PON3: variants seen among roughly 807,000 people sequenced by gnomAD.
PON3 encodes serum paraoxonase/lactonase 3.
Under a neutral mutation model 36.3 loss-of-function variants are expected in PON3, and 37 were observed. The ratio of observed to expected loss-of-function variants is 1.02; its 90% CI spans 0.78 to 1.34. PON3 has a LOEUF of 1.34. Ranked by LOEUF, PON3 falls within the 40% of genes most tolerant of loss-of-function variation. The pLI, the probability that PON3 is intolerant of heterozygous loss-of-function variation, is 0.00. For synonymous variants in PON3, 155 were observed against 154.8 expected (o/e 1.00, Z -0.01); for missense variants, 415 against 426.5 (o/e 0.97, Z 0.24).
At chr7:95,373,731 G>A (rs1194064750) in intron 3 of PON3, among the ~76,000 whole-genome samples, 1 of 152,180 alleles carries the variant, frequency 6.6e-6, no homozygotes, top group Non-Finnish European at 1.5e-5. Flanking sequence ...ATTTAGTACT[G>A]TTTATTGATT....
At chr7:95,370,698 G>A (rs991933408) in intron 4 of PON3, among the ~76,000 whole-genome samples, 1 of 152,108 alleles carries the variant, frequency 6.6e-6, no homozygotes, top group Non-Finnish European at 1.5e-5. Flanking sequence ...AAAATTAAAT[G>A]TTTGAAATTA....
intron 4 of PON3, among the ~76,000 whole-genome samples, chr7:95,368,833 GA>G (rs201733062): frequency 0.029 from 4,057 of 141,474 alleles, 106 homozygotes; most frequent in African/African-American, 0.07. Flanking sequence ...AAAAAAGAAA[GA>G]AAAAAAGCCC....
intron 3 of PON3, among the ~76,000 whole-genome samples, chr7:95,374,612 TG>T (rs1808875548): frequency 6.6e-6 from 1 of 152,220 alleles, no homozygotes; most frequent in Non-Finnish European, 1.5e-5. Flanking sequence ...TATTGCCTAA[TG>T]TGAACTGCTC....
chr7:95,395,104 C>T (rs1156861652), intron 1 of PON3, among the ~76,000 whole-genome samples: 1 of 152,166 alleles, frequency 6.6e-6, no homozygotes, highest in Non-Finnish European at 1.5e-5. Context: ...CAGTCTTGCC[C>T]TTTGAACTTT....
At chr7:95,396,188 C>G in intron 1 of PON3, 89 bp downstream of exon 1, 1 of 1,426,288 alleles carries the variant, frequency 7.0e-7, no homozygotes, top group Non-Finnish European at 9.9e-7. Flanking sequence ...CTTTCCTACC[C>G]GCTAGGAAGG....
chr7:95,374,095 C>T (rs963549653), intron 3 of PON3, among the ~76,000 whole-genome samples: 1 of 152,144 alleles, frequency 6.6e-6, no homozygotes, highest in Admixed American at 6.5e-5. Flanking sequence ...ATTCCCCACT[C>T]CCCCTCCATG....
At chr7:95,395,634 G>A (rs1196806684) in intron 1 of PON3, among the ~76,000 whole-genome samples, 2 of 152,160 alleles carry the variant, frequency 1.3e-5, no homozygotes, top group African/African-American at 4.8e-5. Context: ...ATCCACTCAT[G>A]AATGTGTATT....
intron 8 of PON3, among the ~76,000 whole-genome samples, chr7:95,360,780 T>G (rs1279081868): frequency 6.6e-6 from 1 of 152,164 alleles, no homozygotes; most frequent in East Asian, 1.9e-4. Context: ...ATTTTGGAAT[T>G]AAAGGAAAAC....
chr7:95,367,240 T>C, intron 5 of PON3, 122 bp downstream of exon 5: 1 of 1,281,074 alleles, frequency 7.8e-7, no homozygotes, highest in South Asian at 1.3e-5. Context: ...ATTAGAAAGC[T>C]TTAGAAAAAA....
chr7:95,362,652 A>T lies in PON3; in HGVS notation c.777+108T>A, dbSNP rs1808598123. ...GAAACGCATGCATAATCTCACTGGC[A>T]TTGCTCTCAAATAGCCATGTTTTCC... On this transcript the variant is annotated intron_variant, in intron 7 of 8. Coordinates refer to ENST00000265627, the MANE Select transcript of PON3 (RefSeq NM_000940.3). 5 of 1,369,560 alleles carry T rather than the reference A, an allele frequency of 3.7e-6. No individual in the cohort carries two copies. In the South Asian group the frequency reaches 4.7e-5, roughly 13 times the overall value. 84.8% of individuals were successfully genotyped at this position (1,369,560 alleles called of 1,614,324 possible).
intron 3 of PON3, among the ~76,000 whole-genome samples, chr7:95,372,737 A>C (rs1808836082): frequency 6.6e-6 from 1 of 152,162 alleles, no homozygotes; most frequent in Non-Finnish European, 1.5e-5. Flanking sequence ...GTATTCTATA[A>C]CTAACCTTCC....
intron 4 of PON3, among the ~76,000 whole-genome samples, 164 bp downstream of exon 4, chr7:95,372,009 T>C (rs537632033): frequency 1.3e-5 from 2 of 152,278 alleles, no homozygotes; most frequent in East Asian, 3.9e-4. Context: ...CCTTCTTTAA[T>C]GCAATGTTTA....
At position 95,392,424 on chromosome 7, in the gene PON3, C is replaced by T. The variant is rs139796290; in HGVS notation, c.146-2215G>A. 1.2e-4 allele frequency among the ~76,000 whole-genome samples: 18 copies of T among 152,308 alleles called. No homozygotes were observed. The East Asian group carries it at 3.3e-3, about 28-fold the overall frequency. On this transcript the variant is annotated intron_variant, in intron 2 of 8. Coordinates refer to ENST00000265627, the MANE Select transcript of PON3 (RefSeq NM_000940.3). ...ACAATTCGAGTCAGACTAGACCCTACCAATCATCTAGTCTAATTATACCTC... is the reference window on the plus strand; with the variant it reads ...ACAATTCGAGTCAGACTAGACCCTATCAATCATCTAGTCTAATTATACCTC...
intron 6 of PON3, chr7:95,363,555 G>C (rs1808624549): frequency 5.0e-6 from 2 of 401,982 alleles, no homozygotes; most frequent in East Asian, 1.1e-4. Context: ...TAAGGGGCAG[G>C]GGTATTGCTC....
chr7:95,367,412 T>C lies in PON3; in HGVS notation c.444A>G (p.Gln148=), dbSNP rs190645594. The C allele has an allele frequency of 2.4e-5, 38 of 1,613,352 alleles. No homozygotes were observed. The Admixed American group carries it at 4.8e-4, about 21-fold the overall frequency. Residue 148 remains glutamine, a synonymous_variant, in exon 5 of 9, where the codon CAA becomes CAG. Coordinates refer to ENST00000265627, the MANE Select transcript of PON3 (RefSeq NM_000940.3). Reference sequence around the variant, plus strand: ...TTTTCAGGTATACCAGAGAACGTTGTTGTTCCTCAAATTTAAATATCTCCA... The same window carrying C: ...TTTTCAGGTATACCAGAGAACGTTGCTGTTCCTCAAATTTAAATATCTCCA... ...STVEIFKFEE[Q]QRSLVYLKTI...
chr7:95,361,151 AG>A (rs1238412669), intron 8 of PON3, among the ~76,000 whole-genome samples: 94 of 152,148 alleles, frequency 6.2e-4, no homozygotes, highest in Non-Finnish European at 5.9e-5. Context: ...ATCTGAGGCA[AG>A]GATTGCTTCC....
At chr7:95,362,245 G>A (rs1585716860) in intron 8 of PON3, 117 bp downstream of exon 8, 8 of 1,375,074 alleles carry the variant, frequency 5.8e-6, no homozygotes, top group African/African-American at 1.4e-5. Context: ...TTTCTCATAC[G>A]TAAAATTTCT....
intron 3 of PON3, among the ~76,000 whole-genome samples, chr7:95,378,126 G>T (rs1233325319): frequency 1.3e-5 from 2 of 152,114 alleles, no homozygotes; most frequent in Non-Finnish European, 2.9e-5. Context: ...AGCTTCAATA[G>T]CCGATTTGAT....
intron 3 of PON3, among the ~76,000 whole-genome samples, 154 bp from the exon 4 acceptor site, chr7:95,372,492 T>A (rs553524368): frequency 1.3e-5 from 2 of 152,290 alleles, no homozygotes; most frequent in East Asian, 3.9e-4. Context: ...GTTTCCATGA[T>A]CTGATCTGGG....
Sources: gnomAD v4.1 joint callset for allele counts (sites outside exome capture counted in the v4.1 genomes callset) on GRCh38, gnomAD v4.1.1 for gene constraint, MANE v1.5 for transcripts, NCBI Gene and HGNC (gene_info 2026-07-23, HGNC 2026-07-21) for gene names.